GALNT2: variants seen among roughly 807,000 people sequenced by gnomAD.
GALNT2 encodes the protein UDP-GalNAc:polypeptide N-acetylgalactosaminyltransferase 2.
A neutral mutation model predicts 81.4 loss-of-function variants in GALNT2; 31 were observed. The ratio of observed to expected loss-of-function variants is 0.38; its 90% CI spans 0.29 to 0.51. GALNT2 has a LOEUF of 0.51. Ranked by LOEUF, GALNT2 falls within the 20% of genes least tolerant of loss-of-function variation. The probability of loss-of-function intolerance (pLI) is 0.87; values close to 1 mark genes in which losing one functional copy is unlikely to be tolerated. For synonymous variants in GALNT2, 303 were observed against 287.4 expected (o/e 1.05, Z -0.55); for missense variants, 629 against 765.7 (o/e 0.82, Z 2.11).
intron 1 of GALNT2, among the ~76,000 whole-genome samples, chr1:230,158,422 T>G (rs1572031212): frequency 6.6e-6 from 1 of 152,226 alleles, no homozygotes; most frequent in Non-Finnish European, 1.5e-5. Flanking sequence ...AAACATTAAC[T>G]TTTATTTTGG....
intron 2 of GALNT2, among the ~76,000 whole-genome samples, chr1:230,202,664 CT>C (rs1663927072): frequency 6.6e-6 from 1 of 152,184 alleles, no homozygotes; most frequent in Non-Finnish European, 1.5e-5. Flanking sequence ...TTTTGATATC[CT>C]GTTCTTTAGG....
At chr1:230,097,360 A>C (rs1660282181) in intron 1 of GALNT2, among the ~76,000 whole-genome samples, 1 of 152,148 alleles carries the variant, frequency 6.6e-6, no homozygotes, top group Non-Finnish European at 1.5e-5. Flanking sequence ...AGCTCTTTCA[A>C]CTTGCAGAAC....
chr1:230,163,594 C>G (rs1050113454), intron 1 of GALNT2, among the ~76,000 whole-genome samples: 2 of 152,214 alleles, frequency 1.3e-5, no homozygotes, highest in Non-Finnish European at 2.9e-5. Flanking sequence ...AAACATGGTT[C>G]CTATTGCTAC....
At chr1:230,186,962 A>G (rs600845) in intron 2 of GALNT2, among the ~76,000 whole-genome samples, 34,405 of 152,148 alleles carry the variant, frequency 0.23, 4,777 homozygotes, top group African/African-American at 0.39. Context: ...TTCCCTAAGC[A>G]TGAGGAACAC....
At chr1:230,179,278 C>T (rs979256187) in intron 2 of GALNT2, among the ~76,000 whole-genome samples, 1 of 152,050 alleles carries the variant, frequency 6.6e-6, no homozygotes, top group African/African-American at 2.4e-5. Flanking sequence ...TACCAGTTTT[C>T]GTGTAGACAT....
chr1:230,072,380 C>T lies in GALNT2; in HGVS notation c.126+4974C>T, dbSNP rs1010387476. ...GGTGGGGCGGGGGTGGCGGGGGGTG[C>T]GGTGAGGCTGCCTGGGACAGAGACA... On this transcript the variant is annotated intron_variant, in intron 1 of 15. Transcript: ENST00000366672. Among the ~76,000 whole-genome samples the T allele has an allele frequency of 4.6e-5, 7 of 151,422 alleles. No individual in the cohort carries two copies. The South Asian group carries it at 1.0e-3, about 23-fold the overall frequency.
rs1665921520 is a variant in GALNT2, at chr1:230,262,907, T to G, written c.1230-15T>G. On this transcript the variant is annotated splice_polypyrimidine_tract_variant and intron_variant, in intron 12 of 15. Coordinates refer to ENST00000366672, the MANE Select transcript of GALNT2 (RefSeq NM_004481.5). ...CTTAAAATTTATAAAGGAATCTTAT[T>G]TCCCTCTTCTCCAGTATTCAGAGCA... 4 of 1,609,112 alleles carry G rather than the reference T, an allele frequency of 2.5e-6. No homozygotes were observed. In the African/African-American group the frequency reaches 5.3e-5, roughly 22 times the overall value.
chr1:230,142,015 A>G (rs901949778), intron 1 of GALNT2, among the ~76,000 whole-genome samples: 4 of 149,698 alleles, frequency 2.7e-5, no homozygotes, highest in African/African-American at 9.8e-5. Flanking sequence ...CTGGTCTTGA[A>G]CTCCTGGCCT....
chr1:230,269,146 C>CTTTTT, intron 14 of GALNT2, among the ~76,000 whole-genome samples: 1 of 118,334 alleles, frequency 8.5e-6, no homozygotes, highest in Non-Finnish European at 1.8e-5. Flanking sequence ...TTTTTTTTTT[C>CTTTTT]TTTTTTTTTT....
chr1:230,191,941 G>A (rs998418285), intron 2 of GALNT2, among the ~76,000 whole-genome samples: 17 of 152,216 alleles, frequency 1.1e-4, no homozygotes, highest in Non-Finnish European at 2.4e-4. Flanking sequence ...TGGACATTAG[G>A]GACTGTAATG....
At chr1:230,261,872 G>A (rs1212701593) in intron 11 of GALNT2, 1 of 152,166 alleles carries the variant, frequency 6.6e-6, no homozygotes, top group East Asian at 1.9e-4. Context: ...TTAGCTGGGT[G>A]TGGTGGTACA....
At chr1:230,157,568 G>A (rs772196367) in intron 1 of GALNT2, among the ~76,000 whole-genome samples, 1 of 152,174 alleles carries the variant, frequency 6.6e-6, no homozygotes, top group Admixed American at 6.5e-5. Flanking sequence ...TGGAAACTAC[G>A]TAACTGTCCC....
At position 230,070,850 on chromosome 1, in the gene GALNT2, C is replaced by G. The variant is rs1036752268; in HGVS notation, c.126+3444C>G. Among the ~76,000 whole-genome samples, 3 of 152,248 alleles carry G rather than the reference C, an allele frequency of 2.0e-5. No homozygotes were observed. Among genetic ancestry groups the G allele is most frequent in the African/African-American group, 7.2e-5 (3 of 41,540 alleles). Reference sequence around the variant, plus strand: ...AATGCCAAGCTGAACCATTTGGGAACTAGTAATGTTTTTGAGCTAGTAGTA... The same window carrying G: ...AATGCCAAGCTGAACCATTTGGGAAGTAGTAATGTTTTTGAGCTAGTAGTA... On this transcript the variant is annotated intron_variant, in intron 1 of 15. Transcript: ENST00000366672. The surrounding 1 kb of genome is among the most constrained non-coding windows in gnomAD (Gnocchi z 4.7).
intron 15 of GALNT2, among the ~76,000 whole-genome samples, chr1:230,274,954 CAT>C (rs952106880): frequency 1.6e-4 from 23 of 145,460 alleles, no homozygotes; most frequent in East Asian, 4.1e-4. Context: ...TATATACACA[CAT>C]ATATACACAC....
chr1:230,123,751 A>C (rs375999469), intron 1 of GALNT2, among the ~76,000 whole-genome samples: 4 of 152,302 alleles, frequency 2.6e-5, no homozygotes, highest in African/African-American at 9.6e-5. Context: ...TTCTTCTCCT[A>C]TATGATGGGT....
At chr1:230,248,212 G>A (rs949149035) in intron 8 of GALNT2, among the ~76,000 whole-genome samples, 4 of 152,246 alleles carry the variant, frequency 2.6e-5, no homozygotes, top group South Asian at 2.1e-4. Flanking sequence ...CTGTCAGGGC[G>A]GACAGACTAT....
At position 230,275,507 on chromosome 1, in the gene GALNT2, GATAC is replaced by G. The variant is rs145792799; in HGVS notation, c.1560+951_1560+954del. On this transcript the variant is annotated intron_variant, in intron 15 of 15. Transcript: ENST00000366672. The surrounding 1 kb of genome is among the most constrained non-coding windows in gnomAD (Gnocchi z 5.5). The stretch of plus-strand genomic sequence containing the variant: ...TATACATATACACACACACACCACA[GATAC>G]ATACATATATATACATGCCACATAG... 1.9e-3 allele frequency among the ~76,000 whole-genome samples: 281 copies of G among 146,512 alleles called. No homozygotes were observed. The highest frequency in any genetic ancestry group is 6.5e-3 in the African/African-American group (256 of 39,598).
chr1:230,061,285 C>T (rs1659040855), intron 1 of GALNT2, among the ~76,000 whole-genome samples: 1 of 151,762 alleles, frequency 6.6e-6, no homozygotes, highest in African/African-American at 2.4e-5. Context: ...CCACAGGAAT[C>T]TTTCTTGCCT....
At chr1:230,134,078 A>G (rs560429466) in intron 1 of GALNT2, among the ~76,000 whole-genome samples, 35 of 145,406 alleles carry the variant, frequency 2.4e-4, no homozygotes, top group Middle Eastern at 3.6e-3. Context: ...GGTTTGCTTG[A>G]TTTTGATATT....
Sources: allele counts gnomAD v4.1 joint callset (sites outside exome capture counted in the v4.1 genomes callset), GRCh38; gene constraint gnomAD v4.1.1; non-coding constraint Gnocchi (gnomAD v3.1); transcripts MANE v1.5; gene names NCBI Gene and HGNC (gene_info 2026-07-23, HGNC 2026-07-21).